The following MTSS1 variants were observed in gnomAD, a reference collection of about 807,000 sequenced individuals.
The protein encoded by MTSS1 is protein MTSS 1.
MTSS1 carries 18 observed loss-of-function variants against 79.0 expected under a neutral mutation model. The observed-to-expected ratio is 0.23, with a 90% CI of 0.16 to 0.34. The LOEUF is 0.34. MTSS1 is among the 10% of genes least tolerant of loss of function. MTSS1 has a pLI of 1.00. For synonymous variants in MTSS1, 341 were observed against 368.6 expected (o/e 0.93, Z 0.86); for missense variants, 815 against 986.2 (o/e 0.83, Z 2.33).
chr8:124,563,101 G>C, intron 9 of MTSS1, 109 bp from the exon 10 acceptor site: 1 of 929,628 alleles, frequency 1.1e-6, no homozygotes, highest in Admixed American at 2.3e-5. Context: ...AGAGAGAGAA[G>C]CACAACATAA....
intron 3 of MTSS1, among the ~76,000 whole-genome samples, chr8:124,649,455 G>C (rs940096568): frequency 6.6e-6 from 1 of 152,086 alleles, no homozygotes; most frequent in Non-Finnish European, 1.5e-5. Context: ...ACCAGCTTTC[G>C]TGACAATCAC....
At chr8:124,639,480 T>A (rs1817628720) in intron 3 of MTSS1, among the ~76,000 whole-genome samples, 1 of 151,472 alleles carries the variant, frequency 6.6e-6, no homozygotes, top group African/African-American at 2.4e-5. Flanking sequence ...TTACTTAGAT[T>A]TTTTTTTTCC....
chr8:124,684,057 G>A (rs1826559822), intron 3 of MTSS1, among the ~76,000 whole-genome samples: 1 of 152,214 alleles, frequency 6.6e-6, no homozygotes, highest in South Asian at 2.1e-4. Context: ...GATTGCAAAT[G>A]TACAATCAGA....
chr8:124,673,150 A>G (rs1228275596), intron 3 of MTSS1: 1 of 152,162 alleles, frequency 6.6e-6, no homozygotes. Flanking sequence ...CACAGGAGAT[A>G]TGAAGAAGGG....
chr8:124,678,312 A>T (rs1825630444), intron 3 of MTSS1, among the ~76,000 whole-genome samples: 1 of 152,236 alleles, frequency 6.6e-6, no homozygotes, highest in South Asian at 2.1e-4. Flanking sequence ...TTCTCTATCC[A>T]GTTAAGAGGA....
Position 124,557,790 on chromosome 8 carries a change from G to A in MTSS1, c.1121C>T (p.Pro374Leu), listed in dbSNP as rs1333909996. Residue 374 changes from proline (P) to leucine (L), a missense_variant, in exon 11 of 14, where the codon CCT becomes CTT. Coordinates refer to ENST00000518547, the MANE Select transcript of MTSS1 (RefSeq NM_014751.6). ...TGAGLFPHCL[P>L]ASRLLPRVTS... ...GACCCGAGGGAGCAGGCGGGAGGCA[G>A]GCAGGCAATGAGGGAAAAGGCCTGC... 1.2e-6 allele frequency: 2 copies of A among 1,606,146 alleles called. No homozygotes were observed. Among genetic ancestry groups the A allele is most frequent in the Non-Finnish European group, 1.7e-6 (2 of 1,176,394 alleles).
intron 2 of MTSS1, 93 bp from the exon 3 acceptor site, chr8:124,699,692 A>G (rs1291703489): frequency 1.8e-6 from 2 of 1,124,880 alleles, no homozygotes; most frequent in East Asian, 5.0e-5. Flanking sequence ...TAAGGAGTAC[A>G]TGTAACCTTC....
chr8:124,668,702 C>T (rs1823578568), intron 3 of MTSS1, among the ~76,000 whole-genome samples: 1 of 152,194 alleles, frequency 6.6e-6, no homozygotes, highest in African/African-American at 2.4e-5. Context: ...CAATGAAGAC[C>T]TCAGTGTGTT....
At chr8:124,647,271 G>GT (rs1365530697) in intron 3 of MTSS1, among the ~76,000 whole-genome samples, 6 of 152,242 alleles carry the variant, frequency 3.9e-5, no homozygotes, top group African/African-American at 9.6e-5. Context: ...TAGATTTAGA[G>GT]TTTTTTTATG....
intron 4 of MTSS1, among the ~76,000 whole-genome samples, chr8:124,590,937 G>A (rs959119934): frequency 6.6e-6 from 1 of 152,256 alleles, no homozygotes; most frequent in Admixed American, 6.5e-5. Context: ...CACAGGCTCT[G>A]TGAAGGCAGG....
chr8:124,610,071 T>C (rs1016893686), intron 3 of MTSS1, among the ~76,000 whole-genome samples: 1 of 152,196 alleles, frequency 6.6e-6, no homozygotes, highest in African/African-American at 2.4e-5. Context: ...ATGTAACTGC[T>C]AATCTAATAA....
At chr8:124,586,753 T>A (rs551173357) in intron 5 of MTSS1, among the ~76,000 whole-genome samples, 1 of 152,218 alleles carries the variant, frequency 6.6e-6, no homozygotes, top group Non-Finnish European at 1.5e-5. Flanking sequence ...TTAGCAGGTA[T>A]GCAGGCCGGA....
chr8:124,694,158 G>A (rs934080580), intron 3 of MTSS1, among the ~76,000 whole-genome samples: 20 of 152,162 alleles, frequency 1.3e-4, no homozygotes, highest in African/African-American at 2.6e-4. Flanking sequence ...TCAAAATGGG[G>A]AATAAAATTC....
chr8:124,704,219 T>C (rs1282264016), intron 1 of MTSS1, 28 bp from the exon 2 acceptor site: 1 of 1,596,452 alleles, frequency 6.3e-7, no homozygotes, highest in Non-Finnish European at 8.6e-7. Flanking sequence ...CATCAGTAAG[T>C]CACACTGCGA....
chr8:124,603,424 G>T (rs1834267779), intron 3 of MTSS1, among the ~76,000 whole-genome samples: 1 of 152,216 alleles, frequency 6.6e-6, no homozygotes, highest in Admixed American at 6.5e-5. Context: ...ACTCATCCTT[G>T]TTCTTTAAGC....
chr8:124,604,031 G>A (rs1202761245), intron 3 of MTSS1, among the ~76,000 whole-genome samples: 1 of 152,124 alleles, frequency 6.6e-6, no homozygotes, highest in African/African-American at 2.4e-5. Flanking sequence ...GGCCAGCGTG[G>A]TGAAACCCCA....
intron 3 of MTSS1, chr8:124,673,457 C>T (rs1824672758): frequency 6.6e-6 from 1 of 151,960 alleles, no homozygotes; most frequent in Non-Finnish European, 1.5e-5. Context: ...CAAGCACATG[C>T]ATGACCCAGA....
chr8:124,559,329 A>G (rs1824757651), intron 10 of MTSS1, among the ~76,000 whole-genome samples: 1 of 152,162 alleles, frequency 6.6e-6, no homozygotes, highest in South Asian at 2.1e-4. Context: ...TCTGCCTGGA[A>G]TGGCTCGACT....
intron 11 of MTSS1, chr8:124,556,614 T>A (rs1353763365): frequency 1.7e-6 from 1 of 592,100 alleles, no homozygotes; most frequent in Admixed American, 3.4e-5. Context: ...TACCTCCCTT[T>A]TCCTCGTCTC....
Sources: gnomAD v4.1 joint callset for allele counts (sites outside exome capture counted in the v4.1 genomes callset) on GRCh38, gnomAD v4.1.1 for gene constraint, MANE v1.5 for transcripts, NCBI Gene and HGNC (gene_info 2026-07-23, HGNC 2026-07-21) for gene names.